C13orf42: variants seen among roughly 807,000 people sequenced by gnomAD.
The protein encoded by C13orf42 is chromosome 13 open reading frame 42.
At chr13:51,169,480 G>A (rs781199061) in intron 1 of C13orf42, among the ~76,000 whole-genome samples, 1 of 152,244 alleles carries the variant, frequency 6.6e-6, no homozygotes, top group Admixed American at 6.5e-5. Context: ...CATATGTAAA[G>A]AGGAGCCAAA....
intron 1 of C13orf42, among the ~76,000 whole-genome samples, chr13:51,105,119 TG>T (rs113293057): frequency 0.12 from 18,629 of 152,216 alleles, 1,519 homozygotes; most frequent in African/African-American, 0.23. Flanking sequence ...CAAAGGCCAT[TG>T]GGAAGGGTGT....
At chr13:51,131,651 G>A (rs1442354982) in intron 1 of C13orf42, among the ~76,000 whole-genome samples, 1 of 152,138 alleles carries the variant, frequency 6.6e-6, no homozygotes, top group African/African-American at 2.4e-5. Context: ...TCCTTCTTAT[G>A]GAACAGAGTT....
upstream of C13orf42, among the ~76,000 whole-genome samples, chr13:51,114,651 T>TAGAGAC (rs1555266732): frequency 7.0e-6 from 1 of 142,378 alleles, no homozygotes; most frequent in African/African-American, 2.6e-5. Flanking sequence ...TAGATAGAGA[T>TAGAGAC]AGACAGACAG....
At chr13:51,087,641 G>A (rs879659295) in intron 2 of C13orf42, among the ~76,000 whole-genome samples, 3 of 152,110 alleles carry the variant, frequency 2.0e-5, no homozygotes, top group Admixed American at 1.3e-4. Flanking sequence ...TGTCTCAGCC[G>A]TGGTAAGTGG....
intron 1 of C13orf42, among the ~76,000 whole-genome samples, chr13:51,103,953 G>A (rs1427044159): frequency 2.0e-5 from 3 of 152,114 alleles, no homozygotes; most frequent in Admixed American, 6.6e-5. Flanking sequence ...GGAGATGGAT[G>A]GTAGTGATCA....
chr13:51,104,688 T>A (rs1168391021), intron 1 of C13orf42, among the ~76,000 whole-genome samples: 1 of 151,504 alleles, frequency 6.6e-6, no homozygotes, highest in Non-Finnish European at 1.5e-5. Flanking sequence ...GTGGTGAAGA[T>A]TACACAATAC....
intron 1 of C13orf42, among the ~76,000 whole-genome samples, chr13:51,103,530 G>A (rs1008253075): frequency 1.2e-4 from 18 of 151,972 alleles, no homozygotes; most frequent in African/African-American, 3.1e-4. Context: ...GTGAAACCCC[G>A]TCTCTACTAA....
In C13orf42 at chr13:51,082,525, A is replaced by T. The variant is rs1480195233; in HGVS notation, c.*1626T>A. ...TAAACTGTAGTTTGATAAGAGGCAG[A>T]GTAAAGACACCTTTATCCTGAGTTT... is the stretch of plus-strand genomic sequence containing the variant. On this transcript the variant is annotated 3_prime_UTR_variant, in exon 4 of 4. Coordinates refer to ENST00000563710, the MANE Select transcript of C13orf42 (RefSeq NM_001351589.3). The T allele has an allele frequency of 6.6e-6, 1 of 152,238 alleles. No individual in the cohort carries two copies. Among genetic ancestry groups the T allele is most frequent in the Non-Finnish European group, 1.5e-5 (1 of 68,036 alleles). The allele number at this position is 152,238 out of a possible 1,614,324, so 9.4% of individuals were successfully genotyped here. A position where few individuals can be genotyped will look rare whatever the true frequency, so the allele number is the denominator to read the frequency against.
chr13:51,093,367 G>C (rs749358459), intron 1 of C13orf42, among the ~76,000 whole-genome samples: 35 of 152,174 alleles, frequency 2.3e-4, no homozygotes, highest in Non-Finnish European at 4.3e-4. Flanking sequence ...ACTTTCTGTA[G>C]TGCTGGGAAT....
chr13:51,155,703 C>T (rs759941827), intron 1 of C13orf42, among the ~76,000 whole-genome samples: 5 of 152,216 alleles, frequency 3.3e-5, no homozygotes, highest in Non-Finnish European at 7.3e-5. Context: ...AAAACGGCTA[C>T]CGCATTCTTC....
rs1009004325 is a variant in C13orf42, at chr13:51,084,878, G to T, written c.803+441C>A. 3.3e-5 allele frequency among the ~76,000 whole-genome samples: 5 copies of T among 152,326 alleles called. No homozygotes were observed. In the East Asian group the frequency reaches 7.7e-4, roughly 24 times the overall value. ...CCAAGAGGGGCCTGGCCAGCAAGAC[G>T]TTCTACATCTTGGAGCCTGCCCGGT... is the stretch of plus-strand genomic sequence containing the variant. On this transcript the variant is annotated intron_variant, in intron 3 of 3. Coordinates refer to ENST00000563710, the MANE Select transcript of C13orf42 (RefSeq NM_001351589.3).
At chr13:51,122,778 G>C (rs1400099163) in intron 1 of C13orf42, among the ~76,000 whole-genome samples, 1 of 152,092 alleles carries the variant, frequency 6.6e-6, no homozygotes, top group South Asian at 2.1e-4. Context: ...TCAGGGCCTT[G>C]TGGATCTCTA....
Position 51,084,034 on chromosome 13 carries a change from GTGGGT to G in C13orf42, c.*112_*116del. The G allele has an allele frequency of 2.5e-6, 1 of 396,632 alleles. No individual in the cohort carries two copies. 24.6% of individuals were successfully genotyped at this position (396,632 alleles called of 1,614,324 possible). A position where few individuals can be genotyped will look rare whatever the true frequency, so the allele number is the denominator to read the frequency against. ...ACGGCACCAGCAGGCAGTGTGCTGA[GTGGGT>G]TGACTGTGTTACAATTGGCATTTTC... is the stretch of plus-strand genomic sequence containing the variant. On this transcript the variant is annotated 3_prime_UTR_variant, in exon 4 of 4. Coordinates refer to ENST00000563710, the MANE Select transcript of C13orf42 (RefSeq NM_001351589.3).
In C13orf42 at chr13:51,171,591, T is replaced by C. The variant is rs193072646; in HGVS notation, n.136+662A>G. On this transcript the variant is annotated intron_variant and non_coding_transcript_variant, in intron 1 of 4. Transcript: ENST00000433280. ...TAGGTCCCAATTCTTCCTCAGCCTC[T>C]GCTCCTCCACCCTATAATCTTTTTA... 1.1e-3 allele frequency among the ~76,000 whole-genome samples: 159 copies of C among 150,606 alleles called. 1 individual carries two copies. The East Asian group carries it at 0.014, about 13-fold the overall frequency.
chr13:51,085,287 T>A (rs1290569743), intron 3 of C13orf42, 32 bp downstream of exon 3: 1 of 397,646 alleles, frequency 2.5e-6, no homozygotes, highest in East Asian at 3.6e-5. Flanking sequence ...CACGAGAACA[T>A]CTTGGTCATG....
chr13:51,154,808 G>C (rs1185205587), intron 1 of C13orf42, among the ~76,000 whole-genome samples: 1 of 152,188 alleles, frequency 6.6e-6, no homozygotes, highest in Non-Finnish European at 1.5e-5. Context: ...ATGCAAGTCA[G>C]ACAAGTAAAC....
At chr13:51,135,505 T>TG (rs1034043058) in intron 1 of C13orf42, among the ~76,000 whole-genome samples, 15 of 151,666 alleles carry the variant, frequency 9.9e-5, no homozygotes, top group Non-Finnish European at 1.8e-4. Flanking sequence ...TGTTTTTAAT[T>TG]GACCAGTCAT....
intron 1 of C13orf42, among the ~76,000 whole-genome samples, chr13:51,159,794 T>C (rs1953850547): frequency 6.8e-6 from 1 of 146,342 alleles, no homozygotes; most frequent in South Asian, 2.1e-4. Flanking sequence ...TGGCAACTCA[T>C]ATGTAAGACA....
intron 1 of C13orf42, among the ~76,000 whole-genome samples, chr13:51,138,246 G>T (rs1023766996): frequency 2.6e-5 from 4 of 152,158 alleles, no homozygotes; most frequent in African/African-American, 4.8e-5. Flanking sequence ...CCACTGCTGT[G>T]ACATATTATG....
Sources: allele counts gnomAD v4.1 joint callset (sites outside exome capture counted in the v4.1 genomes callset), GRCh38; gene constraint gnomAD v4.1.1; transcripts MANE v1.5; gene names NCBI Gene and HGNC (gene_info 2026-07-23, HGNC 2026-07-21).